Variants in AGBL4 observed in about 807,000 individuals in gnomAD.
The protein encoded by AGBL4 is cytosolic carboxypeptidase 6.
Under a neutral mutation model 66.4 loss-of-function variants are expected in AGBL4, and 58 were observed. That is an observed-to-expected ratio of 0.87 (90% confidence interval 0.71 to 1.09). AGBL4 has a LOEUF of 1.09. AGBL4 is among the 50% of genes least tolerant of loss of function. AGBL4 has a pLI of 0.00. For missense variants in AGBL4, 579 were observed against 631.0 expected, an observed-to-expected ratio of 0.92 and a Z score of 0.88; for synonymous variants, 234 against 222.9, an observed-to-expected ratio of 1.05 and a Z score of -0.44.
chr1:49,431,524 A>T (rs992701560), intron 3 of AGBL4, among the ~76,000 whole-genome samples: 1 of 152,150 alleles, frequency 6.6e-6, no homozygotes, highest in African/African-American at 2.4e-5. Context: ...ATATTAGGTC[A>T]TATATGTTTG....
At chr1:48,599,529 C>T (rs1645045038) in intron 9 of AGBL4, among the ~76,000 whole-genome samples, 1 of 152,190 alleles carries the variant, frequency 6.6e-6, no homozygotes, top group Non-Finnish European at 1.5e-5. Context: ...GCTGAAATGT[C>T]ATTATGCAGT....
intron 3 of AGBL4, among the ~76,000 whole-genome samples, chr1:49,408,161 C>G (rs191012342): frequency 6.6e-6 from 1 of 152,170 alleles, no homozygotes. Flanking sequence ...CTTCCTGTAA[C>G]TCCTGTCCTA....
chr1:49,849,163 C>A (rs1327075292), intron 2 of AGBL4, among the ~76,000 whole-genome samples: 4 of 151,994 alleles, frequency 2.6e-5, no homozygotes, highest in African/African-American at 9.7e-5. Flanking sequence ...TGCTGAAGAT[C>A]AAATGTAGAA....
At chr1:49,814,538 G>T (rs1282156779) in intron 2 of AGBL4, among the ~76,000 whole-genome samples, 2 of 151,852 alleles carry the variant, frequency 1.3e-5, no homozygotes, top group African/African-American at 4.9e-5. Context: ...TAATGAGTGA[G>T]GATTCAACCT....
chr1:49,938,997 A>G (rs950439580), intron 1 of AGBL4, among the ~76,000 whole-genome samples: 1 of 152,124 alleles, frequency 6.6e-6, no homozygotes, highest in African/African-American at 2.4e-5. Context: ...AAGCAACTTC[A>G]GCAAAGTCTC....
chr1:49,766,978 G>T (rs1421554307), intron 2 of AGBL4, among the ~76,000 whole-genome samples: 1 of 152,036 alleles, frequency 6.6e-6, no homozygotes, highest in Admixed American at 6.6e-5. Context: ...TCTCTGAAAA[G>T]TATTAGACAG....
intron 3 of AGBL4, among the ~76,000 whole-genome samples, chr1:49,553,807 A>G (rs1374583354): frequency 6.6e-6 from 1 of 152,152 alleles, no homozygotes; most frequent in African/African-American, 2.4e-5. Flanking sequence ...ACACTTCTAC[A>G]TTATTATAAT....
intron 5 of AGBL4, among the ~76,000 whole-genome samples, chr1:48,882,475 T>C (rs1649885621): frequency 6.6e-6 from 1 of 152,212 alleles, no homozygotes; most frequent in Non-Finnish European, 1.5e-5. Context: ...AATGATATGA[T>C]ATGTAGTGTG....
chr1:49,602,640 A>G (rs35524072), intron 3 of AGBL4, among the ~76,000 whole-genome samples: 64,061 of 151,558 alleles, frequency 0.42, 16,076 homozygotes, highest in Non-Finnish European at 0.57. Context: ...GGAGCTGGAC[A>G]ATGAGAACAC....
At chr1:49,740,730 C>T (rs931367843) in intron 2 of AGBL4, among the ~76,000 whole-genome samples, 11 of 152,142 alleles carry the variant, frequency 7.2e-5, no homozygotes, top group Non-Finnish European at 1.3e-4. Flanking sequence ...CAAACTAGAA[C>T]TCAGGATTAA....
intron 2 of AGBL4, among the ~76,000 whole-genome samples, chr1:49,799,292 TA>T (rs573852890): frequency 3.3e-5 from 5 of 152,130 alleles, no homozygotes; most frequent in African/African-American, 4.8e-5. Flanking sequence ...TAAATCAAAT[TA>T]AAAAAAATCC....
At chr1:49,842,316 T>C (rs935292531) in intron 2 of AGBL4, 2 of 513,966 alleles carry the variant, frequency 3.9e-6, no homozygotes, top group Non-Finnish European at 6.9e-6. Flanking sequence ...AAGCCAAACA[T>C]CACCTCCCTG....
At chr1:48,667,104 T>C (rs1176692058) in intron 6 of AGBL4, among the ~76,000 whole-genome samples, 1 of 152,186 alleles carries the variant, frequency 6.6e-6, no homozygotes, top group African/African-American at 2.4e-5. Flanking sequence ...CCTATATGGT[T>C]TTTAAAAAAA....
chr1:49,163,076 G>A (rs1469671089), intron 4 of AGBL4, among the ~76,000 whole-genome samples: 1 of 152,116 alleles, frequency 6.6e-6, no homozygotes, highest in Non-Finnish European at 1.5e-5. Flanking sequence ...GAGCTCTTCA[G>A]CAATTGGTAA....
rs181703413 is a variant in AGBL4 at position 49,201,360 on chromosome 1, G to A, written c.377+44410C>T. Among the ~76,000 whole-genome samples the A allele has an allele frequency of 9.9e-5, 15 of 152,236 alleles. No homozygotes were observed. The East Asian group carries it at 2.9e-3, about 29-fold the overall frequency. On this transcript the variant is annotated intron_variant, in intron 4 of 13. Coordinates refer to ENST00000371839, the MANE Select transcript of AGBL4 (RefSeq NM_032785.4). ...CGTATTAGTCTAATTTAAAAATAAG[G>A]AATTGACATATCAGAAACCTTAGTG...
intron 6 of AGBL4, among the ~76,000 whole-genome samples, chr1:48,800,070 T>C (rs1645775169): frequency 6.6e-6 from 1 of 152,216 alleles, no homozygotes; most frequent in Non-Finnish European, 1.5e-5. Flanking sequence ...TTCAGTAGGA[T>C]TGGTACCAAT....
At chr1:49,568,091 A>T (rs991000183) in intron 3 of AGBL4, among the ~76,000 whole-genome samples, 3 of 152,182 alleles carry the variant, frequency 2.0e-5, no homozygotes, top group Admixed American at 2.0e-4. Flanking sequence ...TCCTGTTAGT[A>T]TTGGAATACC....
chr1:48,973,739 A>C (rs1177811629), intron 5 of AGBL4, among the ~76,000 whole-genome samples: 1 of 152,168 alleles, frequency 6.6e-6, no homozygotes, highest in Non-Finnish European at 1.5e-5. Flanking sequence ...ATCTTACTGC[A>C]TTTATTCGAT....
At chr1:48,774,060 GC>G (rs1319920884) in intron 6 of AGBL4, among the ~76,000 whole-genome samples, 1 of 152,228 alleles carries the variant, frequency 6.6e-6, no homozygotes, top group Non-Finnish European at 1.5e-5. Flanking sequence ...GCTGGCTTGG[GC>G]CAACACTCAG....
Sources: allele counts gnomAD v4.1 joint callset (sites outside exome capture counted in the v4.1 genomes callset), GRCh38; gene constraint gnomAD v4.1.1; transcripts MANE v1.5; gene names NCBI Gene and HGNC (gene_info 2026-07-23, HGNC 2026-07-21).